The following ZMIZ1 variants were observed in gnomAD, a reference collection of about 807,000 sequenced individuals.
The protein encoded by ZMIZ1 is zinc finger MIZ-type containing 1.
In ZMIZ1, 17 loss-of-function variants were observed where a neutral mutation model predicts 113.9. That is an observed-to-expected ratio of 0.15 (90% CI 0.10 to 0.22). The LOEUF (loss-of-function observed/expected upper bound fraction) is 0.22. ZMIZ1 is among the 10% of genes least tolerant of loss of function. The probability of loss-of-function intolerance (pLI) is 1.00; values close to 1 mark genes in which losing one functional copy is unlikely to be tolerated. For synonymous variants in ZMIZ1, 607 were observed against 603.1 expected (o/e 1.01, Z -0.09); for missense variants, 1,059 against 1,477.8 (o/e 0.72, Z 4.65).
chr10:79,168,685 A>C (rs541286741), intron 4 of ZMIZ1, among the ~76,000 whole-genome samples: 1 of 152,220 alleles, frequency 6.6e-6, no homozygotes, highest in African/African-American at 2.4e-5. Context: ...AATGCTGTGC[A>C]TCGTGTGGCG....
chr10:79,231,769 G>A (rs919793585), intron 7 of ZMIZ1, among the ~76,000 whole-genome samples: 2 of 152,016 alleles, frequency 1.3e-5, no homozygotes, highest in Admixed American at 1.3e-4. Context: ...GTAGAGATGG[G>A]GTTCCACAAA....
chr10:79,252,178 G>A (rs985332656), intron 7 of ZMIZ1, among the ~76,000 whole-genome samples: 8 of 151,838 alleles, frequency 5.3e-5, no homozygotes, highest in African/African-American at 1.9e-4. Context: ...CAGGAGGCAG[G>A]CTCCTGCAGG....
intron 7 of ZMIZ1, among the ~76,000 whole-genome samples, chr10:79,263,734 C>A (rs1851406463): frequency 6.6e-6 from 1 of 151,866 alleles, no homozygotes; most frequent in South Asian, 2.1e-4. Context: ...GAGGTCAAAT[C>A]AAATCAAGGG....
intron 7 of ZMIZ1, among the ~76,000 whole-genome samples, chr10:79,270,983 G>T (rs1018708984): frequency 1.3e-5 from 2 of 152,188 alleles, no homozygotes; most frequent in African/African-American, 4.8e-5. Context: ...CTTGCCACCA[G>T]CTGAAGCAGA....
intron 23 of ZMIZ1, 122 bp from the exon 24 acceptor site, chr10:79,310,802 C>G: frequency 8.9e-7 from 1 of 1,119,082 alleles, no homozygotes; most frequent in Non-Finnish European, 1.3e-6. Flanking sequence ...AGCCTCGTAC[C>G]GGGTGGCCAC....
At chr10:79,113,409 G>T (rs1454157083) in intron 1 of ZMIZ1, among the ~76,000 whole-genome samples, 1 of 152,158 alleles carries the variant, frequency 6.6e-6, no homozygotes, top group Non-Finnish European at 1.5e-5. Flanking sequence ...GCTGCTGCCC[G>T]GGCAGCTAGG....
intron 7 of ZMIZ1, among the ~76,000 whole-genome samples, chr10:79,233,548 G>C (rs1019274927): frequency 6.6e-6 from 1 of 152,146 alleles, no homozygotes; most frequent in South Asian, 2.1e-4. Flanking sequence ...CCAGCTCTTC[G>C]TACCATCTCA....
intron 4 of ZMIZ1, among the ~76,000 whole-genome samples, chr10:79,165,884 A>C (rs986730402): frequency 4.3e-4 from 48 of 110,578 alleles, no homozygotes; most frequent in African/African-American, 1.7e-3. Context: ...TGAGCAGCCA[A>C]GCCTGACTTG....
At chr10:79,086,100 G>A (rs1842803591) in intron 1 of ZMIZ1, among the ~76,000 whole-genome samples, 1 of 152,130 alleles carries the variant, frequency 6.6e-6, no homozygotes, top group South Asian at 2.1e-4. Flanking sequence ...CCCTACTCCA[G>A]ACCCCCAGGA....
At chr10:79,208,870 CCT>C (rs1401449922) in intron 6 of ZMIZ1, among the ~76,000 whole-genome samples, 1 of 152,164 alleles carries the variant, frequency 6.6e-6, no homozygotes, top group Non-Finnish European at 1.5e-5. Context: ...TGATTGAGCC[CCT>C]CTTACATCCA....
intron 4 of ZMIZ1, among the ~76,000 whole-genome samples, chr10:79,198,843 G>A (rs1847948508): frequency 6.6e-6 from 1 of 152,082 alleles, no homozygotes. Context: ...AGACCAGCCT[G>A]GCCAGTATGG....
At chr10:79,178,480 CACCAGT>C (rs1846967390) in intron 4 of ZMIZ1, among the ~76,000 whole-genome samples, 1 of 152,220 alleles carries the variant, frequency 6.6e-6, no homozygotes, top group African/African-American at 2.4e-5. Flanking sequence ...CCTGACCCCT[CACCAGT>C]TGGAGCTGGA....
intron 18 of ZMIZ1, among the ~76,000 whole-genome samples, chr10:79,302,947 C>T (rs1333360699): frequency 2.6e-5 from 4 of 151,302 alleles, no homozygotes; most frequent in Non-Finnish European, 4.4e-5. Flanking sequence ...CTGCAAGCTC[C>T]GCCTCCTAGG....
chr10:79,078,813 G>A (rs373552128), intron 1 of ZMIZ1, among the ~76,000 whole-genome samples: 1 of 148,376 alleles, frequency 6.7e-6, no homozygotes, highest in African/African-American at 2.5e-5. Context: ...GCCTCCCATA[G>A]TGCTGGGATT....
intron 2 of ZMIZ1, among the ~76,000 whole-genome samples, chr10:79,139,200 G>C (rs1386415531): frequency 6.6e-6 from 1 of 152,304 alleles, no homozygotes; most frequent in African/African-American, 2.4e-5. Flanking sequence ...AATGAGGAAA[G>C]AATTCAGGCA....
chr10:79,237,811 T>C (rs1849653019), intron 7 of ZMIZ1, among the ~76,000 whole-genome samples: 1 of 152,210 alleles, frequency 6.6e-6, no homozygotes, highest in South Asian at 2.1e-4. Context: ...GGCTTCTCAA[T>C]TGGTCTTTCC....
At chr10:79,275,446 A>G (rs1343002313) in intron 7 of ZMIZ1, among the ~76,000 whole-genome samples, 1 of 152,138 alleles carries the variant, frequency 6.6e-6, no homozygotes, top group African/African-American at 2.4e-5. Flanking sequence ...ATCTTTGTGT[A>G]CCACACAAGC....
chr10:79,262,090 T>G (rs912804511), intron 7 of ZMIZ1, among the ~76,000 whole-genome samples: 5 of 152,214 alleles, frequency 3.3e-5, no homozygotes, highest in Non-Finnish European at 7.3e-5. Flanking sequence ...AACTTGCTTA[T>G]GTCCTGAACC....
chr10:79,288,030 A>G (rs1324970208), intron 8 of ZMIZ1, among the ~76,000 whole-genome samples: 1 of 152,236 alleles, frequency 6.6e-6, no homozygotes, highest in East Asian at 1.9e-4. Flanking sequence ...CAGCGATCTC[A>G]GACAGGAAGA....
Sources: gnomAD v4.1 joint callset for allele counts (sites outside exome capture counted in the v4.1 genomes callset) on GRCh38, gnomAD v4.1.1 for gene constraint, MANE v1.5 for transcripts, NCBI Gene and HGNC (gene_info 2026-07-23, HGNC 2026-07-21) for gene names.